RDX: variants seen among roughly 807,000 people sequenced by gnomAD.
RDX encodes radixin, also known as deafness, autosomal recessive 24.
In RDX, 32 loss-of-function variants were observed where a neutral mutation model predicts 83.7. The observed-to-expected ratio is 0.38, with a 90% confidence interval of 0.29 to 0.51. The LOEUF is 0.51. Among genes scored for constraint, RDX ranks in the 20% least tolerant of loss-of-function variants. The probability of loss-of-function intolerance (pLI) is 0.87; values close to 1 mark genes in which losing one functional copy is unlikely to be tolerated. For synonymous variants in RDX, 229 were observed against 222.7 expected (o/e 1.03, Z -0.25); for missense variants, 600 against 689.9 (o/e 0.87, Z 1.46).
At chr11:110,256,683 T>G (rs1206758254) in intron 7 of RDX, among the ~76,000 whole-genome samples, 1 of 152,192 alleles carries the variant, frequency 6.6e-6, no homozygotes, top group African/African-American at 2.4e-5. Flanking sequence ...AAGACCAGCC[T>G]GGGCAACATA....
chr11:110,236,224 T>A, intron 11 of RDX, 33 bp from the exon 12 acceptor site: 1 of 1,505,054 alleles, frequency 6.6e-7, no homozygotes, highest in Admixed American at 1.7e-5. Context: ...AAAATTAAAA[T>A]AACATATTTT....
At chr11:110,257,957 A>C (rs1859613037) in intron 6 of RDX, 44 bp from the exon 7 acceptor site, 1 of 1,588,004 alleles carries the variant, frequency 6.3e-7, no homozygotes, top group Non-Finnish European at 8.6e-7. Flanking sequence ...GTAGGAGCAT[A>C]TCAAACTAAA....
intron 15 of RDX, among the ~76,000 whole-genome samples, chr11:110,189,392 A>G (rs958370861): frequency 2.0e-5 from 3 of 152,108 alleles, no homozygotes; most frequent in African/African-American, 4.8e-5. Context: ...GGACTATGAA[A>G]ATACTTAGCC....
In RDX at chr11:110,204,500, CTTTT is replaced by C. The variant is rs796373402; in HGVS notation, c.1749-4826_1749-4823del. 4.1e-5 allele frequency among the ~76,000 whole-genome samples: 5 copies of C among 120,928 alleles called. No individual in the cohort carries two copies. The East Asian group carries it at 7.1e-4, about 17-fold the overall frequency. 79.3% of individuals were successfully genotyped at this position (120,928 alleles called of 152,430 possible). A position where few individuals can be genotyped will look rare whatever the true frequency, so the allele number is the denominator to read the frequency against. On this transcript the variant is annotated intron_variant, in intron 14 of 15. Coordinates refer to the RDX transcript ENST00000528498. ...TGTACAGCTGTAATTACTTTTCTTT[CTTTT>C]TTTTTTTTCCTTTTTTTTTTTTTTT...
intron 1 of RDX, among the ~76,000 whole-genome samples, chr11:110,295,300 T>A (rs1162909013): frequency 1.6e-5 from 2 of 123,266 alleles, no homozygotes; most frequent in East Asian, 4.7e-4. Flanking sequence ...AAAGAGTATT[T>A]AGTGTTCTAA....
chr11:110,209,384 A>G (rs1453712425), intron 14 of RDX, among the ~76,000 whole-genome samples: 1 of 151,554 alleles, frequency 6.6e-6, no homozygotes, highest in Non-Finnish European at 1.5e-5. Flanking sequence ...TCTGAGATCA[A>G]ACTGCAAGGC....
intron 1 of RDX, among the ~76,000 whole-genome samples, chr11:110,286,781 A>G (rs1046808397): frequency 6.6e-6 from 1 of 152,254 alleles, no homozygotes; most frequent in Admixed American, 6.5e-5. Context: ...TATAAACTGA[A>G]TAAGGCAACT....
intron 1 of RDX, among the ~76,000 whole-genome samples, chr11:110,284,682 G>C (rs1399006682): frequency 6.6e-6 from 1 of 151,916 alleles, no homozygotes; most frequent in Admixed American, 6.6e-5. Context: ...CACCACACCC[G>C]GCTAATTTTT....
chr11:110,238,444 A>G (rs1446780021), intron 10 of RDX, among the ~76,000 whole-genome samples: 1 of 152,232 alleles, frequency 6.6e-6, no homozygotes, highest in Non-Finnish European at 1.5e-5. Flanking sequence ...CTGTGACAGA[A>G]GACAATAGAA....
At chr11:110,214,441 C>G (rs200130034) in intron 14 of RDX, among the ~76,000 whole-genome samples, 1,120 of 99,854 alleles carry the variant, frequency 0.011, no homozygotes, top group African/African-American at 0.02. Flanking sequence ...GGCGATTCCT[C>G]AGGGATCTAG....
intron 15 of RDX, among the ~76,000 whole-genome samples, chr11:110,188,296 AAATAATAATAATAATAAT>A (rs34384486): frequency 5.8e-4 from 82 of 142,480 alleles, no homozygotes; most frequent in Admixed American, 1.6e-3. Flanking sequence ...CTCTGTCTCA[AAATAATAATAATAATAAT>A]AATAATAATA....
intron 15 of RDX, chr11:110,195,892 A>AG: frequency 6.6e-6 from 1 of 152,244 alleles, no homozygotes; most frequent in Non-Finnish European, 1.5e-5. Flanking sequence ...TTGGGACTGC[A>AG]GGGTGCTGTG....
At chr11:110,217,885 T>G (rs1864112225) in intron 14 of RDX, among the ~76,000 whole-genome samples, 1 of 146,172 alleles carries the variant, frequency 6.8e-6, no homozygotes, top group Non-Finnish European at 1.5e-5. Context: ...CATAATTATT[T>G]AACTCTTCTG....
At chr11:110,268,073 G>A (rs1055103884) in intron 3 of RDX, among the ~76,000 whole-genome samples, 9 of 152,154 alleles carry the variant, frequency 5.9e-5, no homozygotes, top group African/African-American at 2.2e-4. Context: ...ACTTTGGGAG[G>A]CTGAGGCAGG....
chr11:110,214,542 G>A (rs1157270850), intron 14 of RDX, among the ~76,000 whole-genome samples: 26 of 106,688 alleles, frequency 2.4e-4, no homozygotes, highest in East Asian at 2.3e-3. Flanking sequence ...ACATGCACAC[G>A]TATGTTTATT....
intron 15 of RDX, among the ~76,000 whole-genome samples, chr11:110,181,051 C>G (rs1005517332): frequency 6.6e-6 from 1 of 152,116 alleles, no homozygotes; most frequent in Non-Finnish European, 1.5e-5. Flanking sequence ...GCTTCATTGC[C>G]CCATTCCAGG....
Position 110,247,796 on chromosome 11 carries a change from CTA to C in RDX, c.995_996del (p.Ile332SerfsTer11). On this transcript the variant is annotated frameshift_variant, in exon 10 of 14. Transcript: ENST00000645495. LOFTEE classifies it high-confidence loss of function. ...QLENEKKKRE[I>X]AEKEKERIER... is the part of the protein sequence containing the mutation. ...TCTATTCTTTCCTTTTCCTTTTCTG[CTA>C]TTTCTCTTTTCTTCTTTTCATTCTC... 1 of 1,592,974 alleles carries C rather than the reference CTA, an allele frequency of 6.3e-7. No homozygotes were observed. Among genetic ancestry groups the C allele is most frequent in the Admixed American group, 1.7e-5 (1 of 57,204 alleles).
chr11:110,269,859 G>A (rs1026471647), intron 3 of RDX, among the ~76,000 whole-genome samples: 5 of 151,930 alleles, frequency 3.3e-5, no homozygotes, highest in South Asian at 2.1e-4. Context: ...GAAACATGAC[G>A]AAACCCCATC....
At chr11:110,207,669 G>A (rs988642410) in intron 14 of RDX, among the ~76,000 whole-genome samples, 1 of 151,662 alleles carries the variant, frequency 6.6e-6, no homozygotes, top group East Asian at 1.9e-4. Context: ...CACATGAATT[G>A]TATGAAATTC....
Sources: allele counts gnomAD v4.1 joint callset (sites outside exome capture counted in the v4.1 genomes callset), GRCh38; gene constraint gnomAD v4.1.1; transcripts MANE v1.5; gene names NCBI Gene and HGNC (gene_info 2026-07-23, HGNC 2026-07-21).